FAM117A: variants seen among roughly 807,000 people sequenced by gnomAD.
FAM117A encodes the protein protein FAM117A.
A neutral mutation model predicts 44.1 loss-of-function variants in FAM117A; 21 were observed. The observed-to-expected ratio is 0.48, with a 90% confidence interval of 0.34 to 0.69. FAM117A has a LOEUF of 0.69. FAM117A is among the 30% of genes least tolerant of loss of function. The probability of loss-of-function intolerance (pLI) is 0.01; values close to 1 mark genes in which losing one functional copy is unlikely to be tolerated. For synonymous variants in FAM117A, 220 were observed against 238.3 expected, an observed-to-expected ratio of 0.92 and a Z score of 0.71; for missense variants, 498 against 589.9, an observed-to-expected ratio of 0.84 and a Z score of 1.61.
At chr17:49,758,133 A>G (rs956693997) in intron 1 of FAM117A, among the ~76,000 whole-genome samples, 5 of 151,672 alleles carry the variant, frequency 3.3e-5, no homozygotes, top group African/African-American at 1.2e-4. Flanking sequence ...GTTGGAGACC[A>G]GCCTGGCCAA....
upstream of FAM117A, among the ~76,000 whole-genome samples, chr17:49,764,848 A>T (rs2073740322): frequency 6.6e-6 from 1 of 152,112 alleles, no homozygotes; most frequent in Admixed American, 6.5e-5. Context: ...ATCCAACCTT[A>T]AAAAAACAAT....
At chr17:49,748,504 G>A (rs917824159) in intron 1 of FAM117A, among the ~76,000 whole-genome samples, 4 of 152,138 alleles carry the variant, frequency 2.6e-5, no homozygotes, top group African/African-American at 9.7e-5. Flanking sequence ...GAGAATGGTG[G>A]GGGCAGTGTG....
chr17:49,727,878 C>T (rs192967785), intron 2 of FAM117A, among the ~76,000 whole-genome samples: 5 of 152,228 alleles, frequency 3.3e-5, no homozygotes, highest in Non-Finnish European at 7.3e-5. Context: ...ACCCACTATC[C>T]CTGCACGGGA....
Position 49,711,068 on chromosome 17 carries a change from TCCCATCACGTTCAGAGGGGCCGGTG to T in FAM117A, c.*162_*186del. The T allele has an allele frequency of 1.8e-6, 1 of 565,848 alleles. No individual in the cohort carries two copies. Among genetic ancestry groups the T allele is most frequent in the Non-Finnish European group, 3.1e-6 (1 of 327,012 alleles). The allele number at this position is 565,848 out of a possible 1,614,324, so 35.1% of individuals were successfully genotyped here. On this transcript the variant is annotated 3_prime_UTR_variant, in exon 8 of 8. Coordinates refer to ENST00000240364, the MANE Select transcript of FAM117A (RefSeq NM_030802.4). ...CCCAGCTACTAGTGGAGAAGGCAGG[TCCCATCACGTTCAGAGGGGCCGGTG>T]CCCATCAAAAAGAGGACCCAGGGCT... is the stretch of plus-strand genomic sequence containing the variant.
upstream of FAM117A, among the ~76,000 whole-genome samples, chr17:49,766,647 T>C (rs2073746628): frequency 6.6e-6 from 1 of 152,228 alleles, no homozygotes; most frequent in African/African-American, 2.4e-5. Context: ...CCCCTCAACA[T>C]GTAAATTCTC....
intron 1 of FAM117A, among the ~76,000 whole-genome samples, chr17:49,778,041 G>A (rs766685900): frequency 2.0e-5 from 3 of 152,212 alleles, no homozygotes; most frequent in Non-Finnish European, 4.4e-5. Flanking sequence ...ATTGCCCTTC[G>A]TAAGGGTGAT....
chr17:49,752,112 C>T (rs542006385), intron 1 of FAM117A, among the ~76,000 whole-genome samples: 3 of 152,070 alleles, frequency 2.0e-5, no homozygotes, highest in Admixed American at 6.6e-5. Context: ...AAATTCTATA[C>T]AGAGTATGCT....
chr17:49,781,803 C>T (rs1168440757), intron 1 of FAM117A, among the ~76,000 whole-genome samples: 3 of 151,896 alleles, frequency 2.0e-5, no homozygotes, highest in African/African-American at 7.3e-5. Context: ...ATAGTGAGAC[C>T]CCGATCTCTA....
Position 49,717,594 on chromosome 17 carries a change from A to T in FAM117A, c.829T>A (p.Ser277Thr), listed in dbSNP as rs769745383. 1 of 1,614,100 alleles carries T rather than the reference A, an allele frequency of 6.2e-7. No homozygotes were observed. Among genetic ancestry groups the T allele is most frequent in the Admixed American group, 1.7e-5 (1 of 60,016 alleles). The change falls in exon 6 of 8, where the codon TCT becomes ACT. Residue 277 changes from serine to threonine, a missense_variant. Ser to Thr is a moderately conservative substitution (Grantham distance 58). Around this residue, in one of 3 missense-constraint regions of FAM117A, gnomAD observed 224 missense variants for 296.5 expected, o/e 0.76. Coordinates refer to ENST00000240364, the MANE Select transcript of FAM117A (RefSeq NM_030802.4). ...CTGGCCAGGCCACAAGGCTGGGGAG[A>T]TGCCAAGGACATGGAAGGAGAGCTG... is the stretch of plus-strand genomic sequence containing the variant. ...LASSPSMSLA[S>T]PQPCGLASHE...
intron 5 of FAM117A, among the ~76,000 whole-genome samples, chr17:49,718,359 G>C (rs998819454): frequency 1.3e-5 from 2 of 152,230 alleles, no homozygotes; most frequent in Non-Finnish European, 2.9e-5. Context: ...CAATTAAACT[G>C]TGTCAATATA....
chr17:49,750,792 A>T (rs1054407323), intron 1 of FAM117A, among the ~76,000 whole-genome samples: 2 of 152,166 alleles, frequency 1.3e-5, no homozygotes, highest in African/African-American at 4.8e-5. Context: ...AAGATGAGCT[A>T]TTACACGAAC....
intron 2 of FAM117A, among the ~76,000 whole-genome samples, chr17:49,725,962 G>A (rs2073557649): frequency 6.6e-6 from 1 of 152,172 alleles, no homozygotes; most frequent in Non-Finnish European, 1.5e-5. Flanking sequence ...GCCAAGGAGT[G>A]CCAGCAGCCA....
chr17:49,724,670 T>G (rs1411973393), intron 2 of FAM117A: 1 of 351,888 alleles, frequency 2.8e-6, no homozygotes, highest in South Asian at 2.2e-5. Flanking sequence ...CCGTCTCTAC[T>G]AAAAATAGAA....
chr17:49,730,179 C>T (rs2073578514), intron 2 of FAM117A, among the ~76,000 whole-genome samples: 1 of 152,236 alleles, frequency 6.6e-6, no homozygotes, highest in Non-Finnish European at 1.5e-5. Flanking sequence ...GATCAGCATT[C>T]TCCACCTCCT....
At chr17:49,713,902 G>C (rs1474053043) in intron 7 of FAM117A, among the ~76,000 whole-genome samples, 2 of 152,196 alleles carry the variant, frequency 1.3e-5, no homozygotes, top group African/African-American at 4.8e-5. Context: ...GTCAGGAGAG[G>C]TGGAGGGTAA....
At chr17:49,747,243 A>G (rs2120106) in intron 1 of FAM117A, 35,113 of 151,894 alleles carry the variant, frequency 0.23, 4,589 homozygotes, top group East Asian at 0.55. Flanking sequence ...CCTCTACCAC[A>G]CAGGAGAATA....
intron 1 of FAM117A, among the ~76,000 whole-genome samples, chr17:49,781,597 C>A (rs2073789669): frequency 6.6e-6 from 1 of 152,204 alleles, no homozygotes; most frequent in Non-Finnish European, 1.5e-5. Flanking sequence ...TACATCATAG[C>A]ACCACAGTGC....
chr17:49,727,459 A>G (rs2073565125), intron 2 of FAM117A, among the ~76,000 whole-genome samples: 1 of 152,176 alleles, frequency 6.6e-6, no homozygotes, highest in African/African-American at 2.4e-5. Flanking sequence ...CATGCACTGG[A>G]ACAGATTTGA....
At chr17:49,729,767 G>A (rs1362781914) in intron 2 of FAM117A, among the ~76,000 whole-genome samples, 1 of 152,056 alleles carries the variant, frequency 6.6e-6, no homozygotes, top group East Asian at 1.9e-4. Flanking sequence ...GCCTCCCAAA[G>A]TGCTGGGATT....
Sources: allele counts gnomAD v4.1 joint callset (sites outside exome capture counted in the v4.1 genomes callset), GRCh38; gene constraint gnomAD v4.1.1; regional missense constraint gnomAD v4.1.1; transcripts MANE v1.5; gene names NCBI Gene and HGNC (gene_info 2026-07-23, HGNC 2026-07-21).